CTNND2: variants seen among roughly 807,000 people sequenced by gnomAD.
The protein encoded by CTNND2 is catenin delta 2, also known as catenin delta-2.
In CTNND2, 22 loss-of-function variants were observed where a neutral mutation model predicts 144.4. The ratio of observed to expected loss-of-function variants is 0.15; its 90% CI spans 0.11 to 0.22. The LOEUF (loss-of-function observed/expected upper bound fraction) is 0.22. Ranked by LOEUF, CTNND2 falls within the 10% of genes least tolerant of loss-of-function variation. CTNND2 has a pLI of 1.00. For missense variants in CTNND2, 1,353 were observed against 1,618.8 expected (o/e 0.84, Z 2.82); for synonymous variants, 751 against 695.6 (o/e 1.08, Z -1.25).
chr5:11,042,383 T>C (rs1744766358), intron 16 of CTNND2, among the ~76,000 whole-genome samples: 1 of 152,386 alleles, frequency 6.6e-6, no homozygotes, highest in South Asian at 2.1e-4. Flanking sequence ...GTCTTGTTCT[T>C]ATGTTATACA....
chr5:11,365,009 T>C (rs1756830025), intron 7 of CTNND2, 119 bp from the exon 8 acceptor site: 2 of 786,748 alleles, frequency 2.5e-6, no homozygotes, highest in South Asian at 3.4e-5. Context: ...GGAAACCAAA[T>C]GAATAGCATG....
At chr5:11,731,525 A>C (rs1011831144) in intron 2 of CTNND2, among the ~76,000 whole-genome samples, 8 of 152,184 alleles carry the variant, frequency 5.3e-5, no homozygotes, top group African/African-American at 1.9e-4. Flanking sequence ...CTCTTTATTT[A>C]CTACTTTTTT....
intron 3 of CTNND2, among the ~76,000 whole-genome samples, chr5:11,478,824 A>G (rs1379913651): frequency 6.6e-6 from 1 of 152,200 alleles, no homozygotes; most frequent in Non-Finnish European, 1.5e-5. Context: ...CTGAATATAA[A>G]GAAATTCATC....
chr5:11,418,990 ATC>A (rs1176874137), intron 3 of CTNND2, among the ~76,000 whole-genome samples: 2 of 150,120 alleles, frequency 1.3e-5, no homozygotes, highest in Admixed American at 1.3e-4. Context: ...ATATACATGC[ATC>A]TCTCTATATA....
At chr5:11,024,183 G>A (rs1046827161) in intron 16 of CTNND2, among the ~76,000 whole-genome samples, 3 of 152,190 alleles carry the variant, frequency 2.0e-5, no homozygotes, top group African/African-American at 7.2e-5. Context: ...TCCAGGCAGT[G>A]ATACATAAAA....
intron 1 of CTNND2, among the ~76,000 whole-genome samples, chr5:11,857,543 C>T (rs1398038034): frequency 6.6e-6 from 1 of 152,142 alleles, no homozygotes; most frequent in Non-Finnish European, 1.5e-5. Flanking sequence ...CCTAATGAGG[C>T]CTGCAAATCT....
chr5:11,603,019 T>C (rs757045349), intron 2 of CTNND2, among the ~76,000 whole-genome samples: 4 of 151,918 alleles, frequency 2.6e-5, no homozygotes, highest in Non-Finnish European at 5.9e-5. Context: ...ACAAATAGGT[T>C]GGTAATTTAA....
chr5:11,841,652 G>A (rs1260291753), intron 1 of CTNND2, among the ~76,000 whole-genome samples: 1 of 152,118 alleles, frequency 6.6e-6, no homozygotes, highest in Admixed American at 6.6e-5. Flanking sequence ...GCTCTCTGGG[G>A]TGGTGACATT....
intron 21 of CTNND2, among the ~76,000 whole-genome samples, chr5:10,977,705 G>C (rs2149481172): frequency 6.6e-6 from 1 of 152,224 alleles, no homozygotes; most frequent in South Asian, 2.1e-4. Flanking sequence ...TGCCTGCCTC[G>C]GCCTCCCAAA....
chr5:11,726,962 T>C (rs543662697), intron 2 of CTNND2, among the ~76,000 whole-genome samples: 9 of 152,220 alleles, frequency 5.9e-5, no homozygotes, highest in Admixed American at 3.3e-4. Flanking sequence ...TTAGAGTAAC[T>C]AACAGAATAC....
intron 3 of CTNND2, among the ~76,000 whole-genome samples, chr5:11,507,216 A>G (rs1373710548): frequency 1.3e-5 from 2 of 152,148 alleles, no homozygotes; most frequent in Non-Finnish European, 2.9e-5. Context: ...CTACATAATA[A>G]TGGCTTTAAA....
chr5:11,781,723 T>G (rs183504975), intron 1 of CTNND2, among the ~76,000 whole-genome samples: 107 of 152,296 alleles, frequency 7.0e-4, no homozygotes, highest in Middle Eastern at 6.8e-3. Context: ...AAACATTTCA[T>G]TACTGATCTT....
At chr5:11,008,364 T>TG (rs765078216) in intron 18 of CTNND2, among the ~76,000 whole-genome samples, 6 of 151,408 alleles carry the variant, frequency 4.0e-5, no homozygotes, top group South Asian at 2.1e-4. Context: ...AAGAGAGATT[T>TG]GGGGGGTCAC....
chr5:11,510,425 A>T (rs1451800554), intron 3 of CTNND2, among the ~76,000 whole-genome samples: 1 of 152,206 alleles, frequency 6.6e-6, no homozygotes, highest in Non-Finnish European at 1.5e-5. Flanking sequence ...TACACTCATT[A>T]AATTTTGAGA....
intron 3 of CTNND2, among the ~76,000 whole-genome samples, chr5:11,480,365 G>A (rs1273686148): frequency 6.6e-6 from 1 of 152,130 alleles, no homozygotes; most frequent in African/African-American, 2.4e-5. Flanking sequence ...CTTCATGATT[G>A]AAGGTTTCCA....
At chr5:11,054,439 G>T (rs1746148676) in intron 16 of CTNND2, among the ~76,000 whole-genome samples, 2 of 152,162 alleles carry the variant, frequency 1.3e-5, no homozygotes, top group South Asian at 4.1e-4. Flanking sequence ...AAGAGGAAAA[G>T]AACTAAGAGG....
chr5:11,418,570 A>C (rs1349385687), intron 3 of CTNND2, among the ~76,000 whole-genome samples: 2 of 152,218 alleles, frequency 1.3e-5, no homozygotes, highest in East Asian at 3.8e-4. Flanking sequence ...GTTTATGGTA[A>C]TAAAGCCACC....
At chr5:11,380,005 T>C (rs1313394733) in intron 7 of CTNND2, among the ~76,000 whole-genome samples, 1 of 152,212 alleles carries the variant, frequency 6.6e-6, no homozygotes, top group Non-Finnish European at 1.5e-5. Flanking sequence ...ACTCTGACTT[T>C]GTTCTGGCTA....
At chr5:11,656,671 G>A (rs568213106) in intron 2 of CTNND2, among the ~76,000 whole-genome samples, 25 of 152,148 alleles carry the variant, frequency 1.6e-4, no homozygotes, top group African/African-American at 4.3e-4. Flanking sequence ...CTCTCTTATC[G>A]CAGGTGAGTG....
Sources: allele counts gnomAD v4.1 joint callset (sites outside exome capture counted in the v4.1 genomes callset), GRCh38; gene constraint gnomAD v4.1.1; transcripts MANE v1.5; gene names NCBI Gene and HGNC (gene_info 2026-07-23, HGNC 2026-07-21).